NRG2: variants seen among roughly 807,000 people sequenced by gnomAD.
NRG2 encodes pro-neuregulin-2, membrane-bound isoform.
In NRG2, 27 loss-of-function variants were observed where a neutral mutation model predicts 73.9. That is an observed-to-expected ratio of 0.37 (90% CI 0.27 to 0.50). The LOEUF is 0.50. NRG2 is among the 20% of genes least tolerant of loss of function. The pLI, the probability that NRG2 is intolerant of heterozygous loss-of-function variation, is 0.96. For missense variants in NRG2, 1,126 were observed against 1,210.1 expected, an observed-to-expected ratio of 0.93 and a Z score of 1.03; for synonymous variants, 532 against 541.0, an observed-to-expected ratio of 0.98 and a Z score of 0.23.
At chr5:140,030,917 T>C (rs760143353) in intron 1 of NRG2, among the ~76,000 whole-genome samples, 5 of 152,190 alleles carry the variant, frequency 3.3e-5, no homozygotes, top group Admixed American at 6.5e-5. Flanking sequence ...CAGTGAATGT[T>C]ACTAGCCTTT....
chr5:139,976,911 C>G (rs996974919), intron 1 of NRG2, among the ~76,000 whole-genome samples: 2 of 152,170 alleles, frequency 1.3e-5, no homozygotes, highest in African/African-American at 4.8e-5. Flanking sequence ...GCTGACATTG[C>G]TTCTGCACAG....
chr5:139,905,630 C>T (rs1765175919), intron 1 of NRG2, among the ~76,000 whole-genome samples: 1 of 149,714 alleles, frequency 6.7e-6, no homozygotes, highest in Middle Eastern at 3.4e-3. Context: ...GTGATGGCCC[C>T]GCAAAGGGCT....
intron 1 of NRG2, among the ~76,000 whole-genome samples, chr5:139,973,295 C>T (rs991928427): frequency 1.3e-4 from 19 of 151,858 alleles, no homozygotes; most frequent in African/African-American, 4.1e-4. Context: ...TACCATGTGA[C>T]CTTTAAAAAT....
intron 2 of NRG2, among the ~76,000 whole-genome samples, chr5:139,882,530 T>C (rs1763587275): frequency 6.6e-6 from 1 of 152,220 alleles, no homozygotes; most frequent in Non-Finnish European, 1.5e-5. Context: ...CTGTCAATTA[T>C]AATTTGTTCC....
At chr5:139,952,850 G>T (rs1205448905) in intron 1 of NRG2, among the ~76,000 whole-genome samples, 2 of 152,146 alleles carry the variant, frequency 1.3e-5, no homozygotes, top group African/African-American at 4.8e-5. Flanking sequence ...TGCAGGCCTG[G>T]GTTCAGAGGG....
At chr5:139,937,175 ATTAAT>A (rs1262098865) in intron 1 of NRG2, among the ~76,000 whole-genome samples, 1 of 152,262 alleles carries the variant, frequency 6.6e-6, no homozygotes, top group Non-Finnish European at 1.5e-5. Context: ...GGACTGCAAG[ATTAAT>A]TTAACATTCA....
chr5:140,013,476 T>A (rs534259681), intron 1 of NRG2, among the ~76,000 whole-genome samples: 150 of 152,354 alleles, frequency 9.8e-4, no homozygotes, highest in African/African-American at 3.1e-3. Context: ...ACAATGTGAA[T>A]GCACTTAATG....
chr5:140,029,479 A>G (rs2126686180), intron 1 of NRG2, among the ~76,000 whole-genome samples: 1 of 152,240 alleles, frequency 6.6e-6, no homozygotes, highest in South Asian at 2.1e-4. Flanking sequence ...TGTGAGCCCC[A>G]TAATATAGTT....
At chr5:140,025,162 C>T (rs1027260392) in intron 1 of NRG2, among the ~76,000 whole-genome samples, 1 of 152,198 alleles carries the variant, frequency 6.6e-6, no homozygotes, top group South Asian at 2.1e-4. Context: ...ACACACATAG[C>T]CCAACACTCC....
chr5:139,937,889 A>G (rs969399624), intron 1 of NRG2, among the ~76,000 whole-genome samples: 1 of 152,160 alleles, frequency 6.6e-6, no homozygotes, highest in Non-Finnish European at 1.5e-5. Context: ...TTACACATAC[A>G]TTATTTTCAG....
chr5:139,965,864 G>T (rs978652147), intron 1 of NRG2, among the ~76,000 whole-genome samples: 1 of 152,178 alleles, frequency 6.6e-6, no homozygotes, highest in African/African-American at 2.4e-5. Context: ...AGAGGGAGAG[G>T]TGTGCTAGCC....
At chr5:139,989,758 T>TTTATTATTA (rs35774960) in intron 1 of NRG2, among the ~76,000 whole-genome samples, 4 of 147,562 alleles carry the variant, frequency 2.7e-5, no homozygotes, top group African/African-American at 9.9e-5. Flanking sequence ...TTGCTAGGTT[T>TTTATTATTA]TTATTATTAT....
At chr5:139,967,112 C>T (rs548162660) in intron 1 of NRG2, among the ~76,000 whole-genome samples, 1 of 152,242 alleles carries the variant, frequency 6.6e-6, no homozygotes, top group South Asian at 2.1e-4. Flanking sequence ...CACTGCATAG[C>T]CCACGGGGAT....
intron 1 of NRG2, among the ~76,000 whole-genome samples, chr5:139,907,819 G>A (rs906871623): frequency 1.3e-5 from 2 of 152,172 alleles, no homozygotes; most frequent in African/African-American, 4.8e-5. Context: ...GATCTAGGGG[G>A]AGCATTCCCT....
intron 3 of NRG2, among the ~76,000 whole-genome samples, chr5:139,879,495 C>A (rs1272777523): frequency 6.6e-6 from 1 of 152,150 alleles, no homozygotes; most frequent in East Asian, 1.9e-4. Flanking sequence ...ATGAGGCCAA[C>A]ACATAGTGAG....
rs568514704 is a variant in NRG2 at position 139,906,567 on chromosome 5, T to C, written c.701-19056A>G. Among the ~76,000 whole-genome samples, 9 of 152,358 alleles carry C rather than the reference T, an allele frequency of 5.9e-5. No individual in the cohort carries two copies. The East Asian group carries it at 1.7e-3, about 29-fold the overall frequency. ...TTTTTGGCCTACCTGATCTCTGTAT[T>C]CATTTGTTTGGTAAATAGGTAGTCA... On this transcript the variant is annotated intron_variant, in intron 1 of 9. Coordinates refer to ENST00000361474, the MANE Select transcript of NRG2 (RefSeq NM_004883.3).
chr5:139,994,909 AG>A (rs370419124), intron 1 of NRG2, among the ~76,000 whole-genome samples: 1 of 152,196 alleles, frequency 6.6e-6, no homozygotes, highest in African/African-American at 2.4e-5. Context: ...ATGAACTACA[AG>A]GGTTTTAAGA....
At position 139,851,913 on chromosome 5, in the gene NRG2, G is replaced by T; in HGVS notation, c.1545-82C>A. 1 of 1,220,248 alleles carries T rather than the reference G, an allele frequency of 8.2e-7. No homozygotes were observed. The highest frequency in any genetic ancestry group is 1.2e-6 in the Non-Finnish European group (1 of 850,328). 75.6% of individuals were successfully genotyped at this position (1,220,248 alleles called of 1,614,324 possible). A position where few individuals can be genotyped will look rare whatever the true frequency, so the allele number is the denominator to read the frequency against. On this transcript the variant is annotated intron_variant, in intron 8 of 9. Transcript: ENST00000361474. This position sits in a 1 kb window ranked among gnomAD's most constrained non-coding sequence, Gnocchi z 4.2. Reference sequence around the variant, plus strand: ...AGGTGTGGTCCCATGGACCTCCCTGGCTCTTCTTCCACCTCGAGCTCCCTT... The same window carrying T: ...AGGTGTGGTCCCATGGACCTCCCTGTCTCTTCTTCCACCTCGAGCTCCCTT...
At chr5:139,873,639 C>T (rs1762999090) in intron 3 of NRG2, among the ~76,000 whole-genome samples, 3 of 152,256 alleles carry the variant, frequency 2.0e-5, no homozygotes, top group African/African-American at 7.2e-5. Context: ...CAGGCCTGGG[C>T]CCTCCTGTGG....
Sources: gnomAD v4.1 joint callset for allele counts (sites outside exome capture counted in the v4.1 genomes callset) on GRCh38, gnomAD v4.1.1 for gene constraint, Gnocchi (gnomAD v3.1) non-coding constraint, MANE v1.5 for transcripts, NCBI Gene and HGNC (gene_info 2026-07-23, HGNC 2026-07-21) for gene names.